The following ARHGAP32 variants were observed in gnomAD, a reference collection of about 807,000 sequenced individuals.
ARHGAP32 encodes the protein Rho GTPase activating protein 32, also known as rho GTPase-activating protein 32.
ARHGAP32 carries 51 observed loss-of-function variants against 186.5 expected under a neutral mutation model. The ratio of observed to expected loss-of-function variants is 0.27; its 90% CI spans 0.22 to 0.35. The LOEUF is 0.35. Ranked by LOEUF, ARHGAP32 falls within the 10% of genes least tolerant of loss-of-function variation. The probability of loss-of-function intolerance (pLI) is 1.00; values close to 1 mark genes in which losing one functional copy is unlikely to be tolerated. For synonymous variants in ARHGAP32, 950 were observed against 964.3 expected (o/e 0.99, Z 0.27); for missense variants, 2,186 against 2,623.5 (o/e 0.83, Z 3.64).
chr11:129,155,322 GAAGA>G (rs1393126714), intron 2 of ARHGAP32, among the ~76,000 whole-genome samples: 1 of 152,172 alleles, frequency 6.6e-6, no homozygotes, highest in African/African-American at 2.4e-5. Context: ...AATAAGAAAA[GAAGA>G]AAGAGGTGGA....
At chr11:129,232,486 G>A (rs1944872315) in intron 1 of ARHGAP32, among the ~76,000 whole-genome samples, 2 of 152,100 alleles carry the variant, frequency 1.3e-5, no homozygotes, top group Admixed American at 1.3e-4. Context: ...CGTTATTGTT[G>A]AAAATGATAA....
intron 11 of ARHGAP32, among the ~76,000 whole-genome samples, chr11:129,022,787 C>G (rs1182710498): frequency 6.6e-6 from 1 of 152,140 alleles, no homozygotes; most frequent in Non-Finnish European, 1.5e-5. Flanking sequence ...ATCCTGGAAT[C>G]AGCACTGAGA....
intron 2 of ARHGAP32, among the ~76,000 whole-genome samples, chr11:129,126,660 G>A (rs1013955866): frequency 1.5e-4 from 23 of 151,978 alleles, no homozygotes; most frequent in Non-Finnish European, 2.5e-4. Flanking sequence ...AAACAACCAC[G>A]TACATGATAT....
intron 10 of ARHGAP32, among the ~76,000 whole-genome samples, chr11:129,058,531 G>A (rs542711686): frequency 6.6e-6 from 1 of 152,256 alleles, no homozygotes; most frequent in East Asian, 1.9e-4. Context: ...TACACAAAGT[G>A]AGGTCCACTA....
At chr11:129,127,971 G>A (rs1283809596) in intron 2 of ARHGAP32, among the ~76,000 whole-genome samples, 1 of 152,106 alleles carries the variant, frequency 6.6e-6, no homozygotes, top group Non-Finnish European at 1.5e-5. Context: ...GCAATTAACT[G>A]GCTTCCTGGA....
rs532925037 is a variant in ARHGAP32, at chr11:129,096,178, G to C, written c.445-2471C>G. 1.2e-3 allele frequency among the ~76,000 whole-genome samples: 184 copies of C among 152,214 alleles called. 2 individuals carry two copies. The highest frequency in any genetic ancestry group is 3.4e-3 in the Middle Eastern group (1 of 294). On this transcript the variant is annotated intron_variant, in intron 5 of 22. Coordinates refer to ENST00000682385, the MANE Select transcript of ARHGAP32 (RefSeq NM_001378024.1). Reference sequence around the variant, plus strand: ...GCAAATGTGACACATGGTCATGAGAGGCAAGGGTAAAATAAAGCAGACACA... The same window carrying C: ...GCAAATGTGACACATGGTCATGAGACGCAAGGGTAAAATAAAGCAGACACA...
At chr11:129,231,766 G>A (rs895738378) in intron 1 of ARHGAP32, among the ~76,000 whole-genome samples, 25 of 151,852 alleles carry the variant, frequency 1.6e-4, no homozygotes, top group Admixed American at 4.6e-4. Flanking sequence ...CTCTCATGCC[G>A]GTAATCCTAG....
chr11:129,045,555 A>G (rs1238957315), intron 10 of ARHGAP32, among the ~76,000 whole-genome samples: 2 of 152,174 alleles, frequency 1.3e-5, no homozygotes, highest in East Asian at 3.8e-4. Context: ...ACTAACTTTA[A>G]AAGTACAGTT....
intron 13 of ARHGAP32, 101 bp from the exon 14 acceptor site, chr11:128,986,769 CTCAG>C: frequency 1.8e-6 from 2 of 1,104,172 alleles, no homozygotes; most frequent in Non-Finnish European, 2.6e-6. Flanking sequence ...TCAGCTCTAT[CTCAG>C]TGAGTTGCTA....
At chr11:129,060,382 TA>T (rs1555082407) in intron 10 of ARHGAP32, among the ~76,000 whole-genome samples, 93 of 143,988 alleles carry the variant, frequency 6.5e-4, no homozygotes, top group African/African-American at 8.7e-4. Flanking sequence ...GATAGATAGA[TA>T]AGATAGACAG....
At chr11:129,220,358 T>C (rs953082092) in intron 1 of ARHGAP32, among the ~76,000 whole-genome samples, 9 of 152,156 alleles carry the variant, frequency 5.9e-5, no homozygotes, top group African/African-American at 2.2e-4. Context: ...GTGTGACTGA[T>C]ACTAACAATG....
chr11:129,006,987 G>A (rs1002391435), intron 11 of ARHGAP32, among the ~76,000 whole-genome samples: 14 of 151,912 alleles, frequency 9.2e-5, no homozygotes, highest in African/African-American at 3.4e-4. Flanking sequence ...ATAGGCAGAG[G>A]AGCCCCATCC....
intron 1 of ARHGAP32, among the ~76,000 whole-genome samples, chr11:129,216,650 G>A (rs1042654861): frequency 1.6e-4 from 22 of 137,734 alleles, no homozygotes; most frequent in Middle Eastern, 4.1e-3. Flanking sequence ...CAGCCTGGGC[G>A]ACAGAGTGAG....
chr11:129,208,520 G>A (rs1427524870), intron 1 of ARHGAP32, among the ~76,000 whole-genome samples: 1 of 152,144 alleles, frequency 6.6e-6, no homozygotes, highest in East Asian at 1.9e-4. Flanking sequence ...AAGACAATAA[G>A]AGATTCTGAA....
chr11:129,020,694 C>T (rs549842133), intron 11 of ARHGAP32, among the ~76,000 whole-genome samples: 405 of 152,146 alleles, frequency 2.7e-3, no homozygotes, highest in African/African-American at 9.2e-3. Context: ...TTCTCAGTGT[C>T]TCTCTAGGAA....
At chr11:129,088,899 G>A (rs1441098873) in intron 6 of ARHGAP32, among the ~76,000 whole-genome samples, 1 of 150,746 alleles carries the variant, frequency 6.6e-6, no homozygotes, top group Non-Finnish European at 1.5e-5. Flanking sequence ...TTAGCCAGGT[G>A]AGGCAGGAGG....
At chr11:129,246,743 C>T (rs927359725) in intron 1 of ARHGAP32, among the ~76,000 whole-genome samples, 11 of 152,146 alleles carry the variant, frequency 7.2e-5, no homozygotes, top group Non-Finnish European at 1.2e-4. Flanking sequence ...AATTTCTATT[C>T]GACCTTCTAT....
At chr11:129,154,151 A>G (rs1254875986) in intron 2 of ARHGAP32, among the ~76,000 whole-genome samples, 1 of 152,212 alleles carries the variant, frequency 6.6e-6, no homozygotes, top group Admixed American at 6.5e-5. Context: ...ACTAATTATC[A>G]GGGAAATACA....
At position 129,123,980 on chromosome 11, in the gene ARHGAP32, G is replaced by A. The variant is rs1031238556; in HGVS notation, c.318-51C>T. 2.5e-6 allele frequency: 3 copies of A among 1,221,202 alleles called. No individual in the cohort carries two copies. The highest frequency in any genetic ancestry group is 3.2e-6 in the Non-Finnish European group (3 of 931,828). 75.6% of individuals were successfully genotyped at this position (1,221,202 alleles called of 1,614,324 possible). A position where few individuals can be genotyped will look rare whatever the true frequency, so the allele number is the denominator to read the frequency against. On this transcript the variant is annotated intron_variant, in intron 3 of 22. Transcript: ENST00000682385. The surrounding 1 kb of genome is among the most constrained non-coding windows in gnomAD (Gnocchi z 4.6). ...CCTTGTCTTTCCTCTACTTACACATGAAGCATAACTATCTAACTCTACTAA... is the reference window on the plus strand; with the variant it reads ...CCTTGTCTTTCCTCTACTTACACATAAAGCATAACTATCTAACTCTACTAA...
Sources: allele counts gnomAD v4.1 joint callset (sites outside exome capture counted in the v4.1 genomes callset), GRCh38; gene constraint gnomAD v4.1.1; non-coding constraint Gnocchi (gnomAD v3.1); transcripts MANE v1.5; gene names NCBI Gene and HGNC (gene_info 2026-07-23, HGNC 2026-07-21).